The following GRIK2 variants were observed in gnomAD, a reference collection of about 807,000 sequenced individuals.
The protein encoded by GRIK2 is glutamate receptor ionotropic, kainate 2.
A neutral mutation model predicts 100.3 loss-of-function variants in GRIK2; 32 were observed. The ratio of observed to expected loss-of-function variants is 0.32; its 90% confidence interval spans 0.24 to 0.43. The LOEUF (loss-of-function observed/expected upper bound fraction) is 0.43, where lower values mean the gene tolerates loss of function less well. Among genes scored for constraint, GRIK2 ranks in the 20% least tolerant of loss-of-function variants. The pLI, the probability that GRIK2 is intolerant of heterozygous loss-of-function variation, is 1.00. For synonymous variants in GRIK2, 417 were observed against 389.4 expected, an observed-to-expected ratio of 1.07 and a Z score of -0.83; for missense variants, 843 against 1,114.9, an observed-to-expected ratio of 0.76 and a Z score of 3.47.
At chr6:101,694,923 A>G (rs780973437) in intron 7 of GRIK2, among the ~76,000 whole-genome samples, 5 of 151,010 alleles carry the variant, frequency 3.3e-5, no homozygotes, top group Non-Finnish European at 5.9e-5. Flanking sequence ...CCCAGTCTTT[A>G]AAATTTGCAT....
chr6:101,780,062 A>G (rs951815189), intron 7 of GRIK2, among the ~76,000 whole-genome samples: 3 of 152,120 alleles, frequency 2.0e-5, no homozygotes, highest in African/African-American at 7.2e-5. Flanking sequence ...TGATATTTTT[A>G]GTTTACTTGG....
intron 2 of GRIK2, among the ~76,000 whole-genome samples, chr6:101,595,538 G>T (rs1778876297): frequency 6.6e-6 from 1 of 151,338 alleles, no homozygotes; most frequent in African/African-American, 2.4e-5. Context: ...ATATTAGCAT[G>T]GTCCTATGAC....
At chr6:101,663,489 G>A (rs1231247836) in intron 4 of GRIK2, among the ~76,000 whole-genome samples, 1 of 152,188 alleles carries the variant, frequency 6.6e-6, no homozygotes, top group Non-Finnish European at 1.5e-5. Context: ...CGCCAGGATA[G>A]CAGATGATGA....
At chr6:101,595,869 C>A (rs1056077433) in intron 2 of GRIK2, among the ~76,000 whole-genome samples, 1 of 150,750 alleles carries the variant, frequency 6.6e-6, no homozygotes, top group African/African-American at 2.4e-5. Context: ...TTCTGACTTT[C>A]TTCTATACCA....
intron 12 of GRIK2, among the ~76,000 whole-genome samples, chr6:101,894,448 A>G (rs1787309547): frequency 6.6e-6 from 1 of 151,714 alleles, no homozygotes; most frequent in Non-Finnish European, 1.5e-5. Flanking sequence ...CTTTCTAGAC[A>G]TAGAATGACC....
At chr6:101,689,295 T>A (rs1771927280) in intron 7 of GRIK2, among the ~76,000 whole-genome samples, 1 of 152,026 alleles carries the variant, frequency 6.6e-6, no homozygotes, top group Non-Finnish European at 1.5e-5. Flanking sequence ...CATAAAGAAA[T>A]GGGATTATCA....
intron 10 of GRIK2, among the ~76,000 whole-genome samples, chr6:101,849,862 G>A (rs1204678802): frequency 8.3e-5 from 9 of 108,670 alleles, no homozygotes; most frequent in Admixed American, 1.2e-4. Flanking sequence ...GTTCATTAAG[G>A]AAAAAAAAAG....
At chr6:101,599,713 A>G (rs1467071127) in intron 2 of GRIK2, among the ~76,000 whole-genome samples, 1 of 151,640 alleles carries the variant, frequency 6.6e-6, no homozygotes, top group African/African-American at 2.4e-5. Flanking sequence ...TCTTCTTTTG[A>G]AAATTGTTCA....
At chr6:101,591,363 A>G (rs1289934837) in intron 2 of GRIK2, among the ~76,000 whole-genome samples, 1 of 151,214 alleles carries the variant, frequency 6.6e-6, no homozygotes, top group East Asian at 1.9e-4. Context: ...AAGCTTATCT[A>G]CCCTCCCCAC....
At chr6:101,873,081 T>C (rs2128449202) in intron 11 of GRIK2, among the ~76,000 whole-genome samples, 1 of 151,942 alleles carries the variant, frequency 6.6e-6, no homozygotes, top group East Asian at 1.9e-4. Context: ...CACAAGTGAT[T>C]TTTAAACTGG....
chr6:101,415,035 T>C (rs1250194887), intron 2 of GRIK2, among the ~76,000 whole-genome samples: 1 of 151,806 alleles, frequency 6.6e-6, no homozygotes, highest in African/African-American at 2.4e-5. Context: ...TATAAAGTAA[T>C]GCATTGTAGC....
intron 2 of GRIK2, among the ~76,000 whole-genome samples, chr6:101,422,328 T>C (rs759094249): frequency 1.8e-4 from 27 of 152,304 alleles, no homozygotes; most frequent in Admixed American, 1.1e-3. Context: ...GGATCCAGAT[T>C]CTTCTCATCA....
chr6:101,479,835 T>C (rs1272147094), intron 2 of GRIK2, among the ~76,000 whole-genome samples: 2 of 152,192 alleles, frequency 1.3e-5, no homozygotes, highest in African/African-American at 4.8e-5. Context: ...TGTTTCTTTA[T>C]CCTTTGAATT....
At chr6:101,680,199 A>G (rs894528816) in intron 5 of GRIK2, among the ~76,000 whole-genome samples, 4 of 152,182 alleles carry the variant, frequency 2.6e-5, no homozygotes, top group Admixed American at 1.3e-4. Flanking sequence ...TTGGAAATAC[A>G]TATGTCAGAA....
At chr6:101,725,625 A>T (rs1774806694) in intron 7 of GRIK2, among the ~76,000 whole-genome samples, 1 of 152,042 alleles carries the variant, frequency 6.6e-6, no homozygotes, top group Non-Finnish European at 1.5e-5. Flanking sequence ...TGTTACAGGT[A>T]GCATCACCAT....
intron 7 of GRIK2, among the ~76,000 whole-genome samples, chr6:101,702,522 G>T (rs917883336): frequency 7.9e-5 from 12 of 151,714 alleles, no homozygotes; most frequent in African/African-American, 2.9e-4. Context: ...AGGATCTTAT[G>T]GTATACACAG....
chr6:101,695,462 CG>C (rs1355991124), intron 7 of GRIK2, among the ~76,000 whole-genome samples: 1 of 152,068 alleles, frequency 6.6e-6, no homozygotes, highest in South Asian at 2.1e-4. Context: ...AACCATAGCA[CG>C]CACTTTTGTG....
chr6:101,763,888 T>C (rs1307509398), intron 7 of GRIK2, among the ~76,000 whole-genome samples: 1 of 152,116 alleles, frequency 6.6e-6, no homozygotes, highest in Non-Finnish European at 1.5e-5. Flanking sequence ...CCTTGTTTGC[T>C]TCCAGTATTT....
At chr6:101,922,529 AATAACT>A (rs1047866030) in intron 12 of GRIK2, among the ~76,000 whole-genome samples, 2 of 152,212 alleles carry the variant, frequency 1.3e-5, no homozygotes, top group African/African-American at 4.8e-5. Context: ...TTGGAGGTTG[AATAACT>A]ATAGTTGAAG....
Sources: allele counts gnomAD v4.1 joint callset (sites outside exome capture counted in the v4.1 genomes callset), GRCh38; gene constraint gnomAD v4.1.1; transcripts MANE v1.5; gene names NCBI Gene and HGNC (gene_info 2026-07-23, HGNC 2026-07-21).